TMEM178B: variants seen among roughly 807,000 people sequenced by gnomAD.
TMEM178B encodes the protein transmembrane protein 178B.
A neutral mutation model predicts 31.0 loss-of-function variants in TMEM178B; 5 were observed. That is an observed-to-expected ratio of 0.16 (90% confidence interval 0.08 to 0.34). The LOEUF (loss-of-function observed/expected upper bound fraction) is 0.34, where lower values mean the gene tolerates loss of function less well. Ranked by LOEUF, TMEM178B falls within the 10% of genes least tolerant of loss-of-function variation. The pLI, the probability that TMEM178B is intolerant of heterozygous loss-of-function variation, is 1.00. For synonymous variants in TMEM178B, 164 were observed against 164.0 expected, an observed-to-expected ratio of 1.00 and a Z score of 0.00; for missense variants, 275 against 400.3, an observed-to-expected ratio of 0.69 and a Z score of 2.67.
chr7:141,252,684 T>A (rs1428758290), intron 2 of TMEM178B, among the ~76,000 whole-genome samples: 1 of 152,236 alleles, frequency 6.6e-6, no homozygotes, highest in Admixed American at 6.5e-5. Context: ...CTCCTGGATA[T>A]ATACAGCTCC....
chr7:141,300,588 C>T (rs533726422), intron 2 of TMEM178B, among the ~76,000 whole-genome samples: 31 of 152,264 alleles, frequency 2.0e-4, no homozygotes, highest in Admixed American at 1.7e-3. Context: ...TGCTTCTTCT[C>T]CTTCCACCTC....
chr7:141,277,678 C>T (rs549439593), intron 2 of TMEM178B, among the ~76,000 whole-genome samples: 4 of 152,076 alleles, frequency 2.6e-5, no homozygotes, highest in African/African-American at 4.8e-5. Flanking sequence ...ATACGTGGCT[C>T]ACTGTTGGCT....
intron 2 of TMEM178B, among the ~76,000 whole-genome samples, chr7:141,375,253 C>A (rs2116577043): frequency 6.6e-6 from 1 of 152,260 alleles, no homozygotes; most frequent in Non-Finnish European, 1.5e-5. Flanking sequence ...TGGACTCTGA[C>A]ACAATGGAAA....
the TMEM178B span, among the ~76,000 whole-genome samples, chr7:141,510,685 CA>C: frequency 3.2e-3 from 79 of 24,954 alleles, no homozygotes; most frequent in South Asian, 8.6e-3. Context: ...AACTCCGTCT[CA>C]AAAAAAAAAA....
At chr7:141,202,097 A>G (rs1207177702) in intron 1 of TMEM178B, among the ~76,000 whole-genome samples, 1 of 152,176 alleles carries the variant, frequency 6.6e-6, no homozygotes, top group African/African-American at 2.4e-5. Flanking sequence ...TGCACCTTTT[A>G]GCATTAAACA....
intron 2 of TMEM178B, among the ~76,000 whole-genome samples, chr7:141,406,918 A>G (rs115210280): frequency 0.015 from 2,303 of 152,278 alleles, 77 homozygotes; most frequent in African/African-American, 0.052. Context: ...AGCCAGTTTC[A>G]CTGTAATGAA....
At chr7:141,174,099 C>T (rs1231871574) in intron 1 of TMEM178B, among the ~76,000 whole-genome samples, 9 of 152,154 alleles carry the variant, frequency 5.9e-5, no homozygotes, top group African/African-American at 1.2e-4. Context: ...CTAATGCTAT[C>T]GCTCCCCTAG....
At chr7:141,358,853 A>G (rs1001862819) in intron 2 of TMEM178B, among the ~76,000 whole-genome samples, 1 of 152,192 alleles carries the variant, frequency 6.6e-6, no homozygotes, top group Non-Finnish European at 1.5e-5. Context: ...CAAATCATCA[A>G]TAGATACAGA....
intron 2 of TMEM178B, among the ~76,000 whole-genome samples, chr7:141,220,515 C>T (rs962790806): frequency 2.6e-5 from 4 of 151,534 alleles, no homozygotes; most frequent in African/African-American, 4.9e-5. Context: ...TTTGAGATGA[C>T]CTAGGGGGAG....
intron 1 of TMEM178B, among the ~76,000 whole-genome samples, chr7:141,145,771 G>T (rs1409495836): frequency 1.3e-5 from 2 of 152,212 alleles, no homozygotes; most frequent in African/African-American, 2.4e-5. Context: ...GCCTTCAGGG[G>T]CTGGGGGTGG....
chr7:141,348,352 A>G (rs1384710930), intron 2 of TMEM178B, among the ~76,000 whole-genome samples: 1 of 152,212 alleles, frequency 6.6e-6, no homozygotes, highest in Non-Finnish European at 1.5e-5. Flanking sequence ...TGTAATTCAG[A>G]TGGACAGGAT....
intron 1 of TMEM178B, among the ~76,000 whole-genome samples, 155 bp from the exon 2 acceptor site, chr7:141,212,436 G>C (rs887822133): frequency 2.6e-5 from 4 of 152,174 alleles, no homozygotes; most frequent in Non-Finnish European, 5.9e-5. Flanking sequence ...CTACTCTCTT[G>C]CTCTTTTTGA....
At chr7:141,488,713 C>T in the TMEM178B span, among the ~76,000 whole-genome samples, 2 of 152,146 alleles carry the variant, frequency 1.3e-5, no homozygotes, top group Non-Finnish European at 2.9e-5. Context: ...GCTGGGATTA[C>T]AGGCATGAGC....
chr7:141,401,092 C>T (rs1049199123), intron 2 of TMEM178B, among the ~76,000 whole-genome samples: 5 of 152,168 alleles, frequency 3.3e-5, no homozygotes, highest in Non-Finnish European at 7.3e-5. Flanking sequence ...TAGCTATAGC[C>T]TGGGAGCCTC....
chr7:141,291,052 C>A (rs1037652548), intron 2 of TMEM178B, among the ~76,000 whole-genome samples: 2 of 152,186 alleles, frequency 1.3e-5, no homozygotes, highest in African/African-American at 4.8e-5. Flanking sequence ...GTAAAATTGT[C>A]AGCAGGACAA....
rs10239827 is a variant in TMEM178B at position 141,125,537 on chromosome 7, C to T, written c.382+50845C>T. On this transcript the variant is annotated intron_variant, in intron 1 of 3. Transcript: ENST00000565468. The stretch of plus-strand genomic sequence containing the variant: ...CTCTACTAAAAATACAAAAATCAGC[C>T]GGGTGTGGTGGCACACGCCTGTAAT... 2.7e-3 allele frequency among the ~76,000 whole-genome samples: 403 copies of T among 151,824 alleles called. 1 individual carries two copies. The highest frequency in any genetic ancestry group is 9.1e-3 in the African/African-American group (377 of 41,418).
intron 3 of TMEM178B, among the ~76,000 whole-genome samples, chr7:141,446,289 A>G (rs1442134923): frequency 1.3e-5 from 2 of 152,218 alleles, no homozygotes; most frequent in Non-Finnish European, 2.9e-5. Context: ...AACAGGGAGC[A>G]GCCTTATCCA....
chr7:141,181,663 G>T (rs1296235205), intron 1 of TMEM178B, among the ~76,000 whole-genome samples: 1 of 152,234 alleles, frequency 6.6e-6, no homozygotes, highest in Non-Finnish European at 1.5e-5. Flanking sequence ...AGACTAGGGT[G>T]ACAGTGAGTT....
chr7:141,364,493 T>C (rs2116552993), intron 2 of TMEM178B, among the ~76,000 whole-genome samples: 1 of 151,912 alleles, frequency 6.6e-6, no homozygotes, highest in East Asian at 1.9e-4. Context: ...ACCCCGTCTC[T>C]ACCCAAAATA....
Sources: gnomAD v4.1 joint callset for allele counts (sites outside exome capture counted in the v4.1 genomes callset) on GRCh38, gnomAD v4.1.1 for gene constraint, MANE v1.5 for transcripts, NCBI Gene and HGNC (gene_info 2026-07-23, HGNC 2026-07-21) for gene names.